MYO1E: variants seen among roughly 807,000 people sequenced by gnomAD.
The protein encoded by MYO1E is unconventional myosin-Ie.
In MYO1E, 68 loss-of-function variants were observed where a neutral mutation model predicts 151.1. That is an observed-to-expected ratio of 0.45 (90% CI 0.37 to 0.55). MYO1E has a LOEUF of 0.55. MYO1E is among the 20% of genes least tolerant of loss of function. The pLI is 0.00. For missense variants in MYO1E, 1,363 were observed against 1,389.3 expected, an observed-to-expected ratio of 0.98 and a Z score of 0.30; for synonymous variants, 601 against 501.7, an observed-to-expected ratio of 1.20 and a Z score of -2.64.
chr15:59,364,058 C>T (rs1355529621), intron 1 of MYO1E, among the ~76,000 whole-genome samples: 1 of 152,096 alleles, frequency 6.6e-6, no homozygotes, highest in Non-Finnish European at 1.5e-5. Context: ...GATAACAGGC[C>T]TGAGCCACCA....
At chr15:59,322,738 A>C (rs2080634997) in intron 1 of MYO1E, among the ~76,000 whole-genome samples, 2 of 152,224 alleles carry the variant, frequency 1.3e-5, no homozygotes, top group South Asian at 2.1e-4. Context: ...GAAAAAGAAA[A>C]AGGTACATGG....
intron 4 of MYO1E, among the ~76,000 whole-genome samples, chr15:59,240,386 G>C (rs763023556): frequency 7.0e-5 from 10 of 143,802 alleles, no homozygotes; most frequent in African/African-American, 1.4e-4. Context: ...GTCTGTGTGT[G>C]GGGGGGGTCT....
chr15:59,341,137 G>GGTAT (rs1293348762), intron 1 of MYO1E, among the ~76,000 whole-genome samples: 1 of 151,704 alleles, frequency 6.6e-6, no homozygotes, highest in Non-Finnish European at 1.5e-5. Flanking sequence ...TTTTGATACA[G>GGTAT]GCATGCAATG....
chr15:59,361,286 A>T (rs545388502), intron 1 of MYO1E, among the ~76,000 whole-genome samples: 1 of 152,236 alleles, frequency 6.6e-6, no homozygotes, highest in Admixed American at 6.5e-5. Context: ...AAGTATAAAC[A>T]TTTATTATTT....
intron 1 of MYO1E, among the ~76,000 whole-genome samples, chr15:59,315,720 T>C (rs2080584480): frequency 6.6e-6 from 1 of 152,190 alleles, no homozygotes; most frequent in Non-Finnish European, 1.5e-5. Context: ...AATGATTAGT[T>C]AAAATGATCA....
intron 18 of MYO1E, among the ~76,000 whole-genome samples, chr15:59,184,111 A>G (rs2079681260): frequency 6.6e-6 from 1 of 152,118 alleles, no homozygotes; most frequent in Non-Finnish European, 1.5e-5. Context: ...GGTTCCAGCA[A>G]TCCTTTCACC....
chr15:59,276,104 C>G (rs1455323433), intron 1 of MYO1E, among the ~76,000 whole-genome samples: 1 of 152,134 alleles, frequency 6.6e-6, no homozygotes, highest in Non-Finnish European at 1.5e-5. Flanking sequence ...GGCAACTAAC[C>G]CTTCGCACCC....
At chr15:59,225,531 A>T (rs552434957) in intron 7 of MYO1E, among the ~76,000 whole-genome samples, 1 of 151,910 alleles carries the variant, frequency 6.6e-6, no homozygotes, top group African/African-American at 2.4e-5. Flanking sequence ...TGGCTCTTCA[A>T]TGCCTCCCGA....
intron 16 of MYO1E, among the ~76,000 whole-genome samples, chr15:59,198,697 G>A (rs1416518248): frequency 6.6e-6 from 1 of 151,982 alleles, no homozygotes; most frequent in Non-Finnish European, 1.5e-5. Flanking sequence ...GGTGCCACCT[G>A]TAGTCCAGCC....
chr15:59,362,885 T>A (rs2080893126), intron 1 of MYO1E, among the ~76,000 whole-genome samples: 1 of 152,194 alleles, frequency 6.6e-6, no homozygotes, highest in South Asian at 2.1e-4. Flanking sequence ...ATTTAAGAAT[T>A]AAACAACTAA....
chr15:59,186,365 A>C (rs148686007), intron 18 of MYO1E, among the ~76,000 whole-genome samples: 2,378 of 152,054 alleles, frequency 0.016, 30 homozygotes, highest in Non-Finnish European at 0.021. Flanking sequence ...TTCCAAAGAC[A>C]GTAATTAACT....
chr15:59,144,236 G>A (rs147434803), intron 26 of MYO1E, among the ~76,000 whole-genome samples: 1,959 of 151,778 alleles, frequency 0.013, 40 homozygotes, highest in Middle Eastern at 0.048. Context: ...GCATGATCTC[G>A]GCTCACTGCA....
intron 26 of MYO1E, among the ~76,000 whole-genome samples, chr15:59,139,003 G>T (rs1233446399): frequency 6.6e-6 from 1 of 152,068 alleles, no homozygotes; most frequent in Admixed American, 6.6e-5. Context: ...ACCACTGCGC[G>T]AGTGAGTGTG....
At chr15:59,260,768 A>AT (rs145953500) in intron 3 of MYO1E, among the ~76,000 whole-genome samples, 3,300 of 152,108 alleles carry the variant, frequency 0.022, 126 homozygotes, top group African/African-American at 0.075. Flanking sequence ...CCATTGCTCT[A>AT]TTTTTTTACC....
intron 5 of MYO1E, among the ~76,000 whole-genome samples, chr15:59,233,648 G>A (rs980087285): frequency 7.9e-6 from 1 of 126,758 alleles, no homozygotes; most frequent in Non-Finnish European, 1.6e-5. Flanking sequence ...TGGCGACAGA[G>A]CGAGACTCCG....
chr15:59,353,722 A>C (rs1309179046), intron 1 of MYO1E, among the ~76,000 whole-genome samples: 1 of 149,564 alleles, frequency 6.7e-6, no homozygotes, highest in Non-Finnish European at 1.5e-5. Flanking sequence ...ATGCCATTGC[A>C]CCCCAGCTTG....
chr15:59,214,535 G>A lies in MYO1E; in HGVS notation c.1188+105C>T, dbSNP rs1199676114. ...CTGAGTTGTTTTTTTTGTTGTTGTG[G>A]TTTGTTTTCTGTTTTTTTGTTTTTG... On this transcript the variant is annotated intron_variant, in intron 11 of 27. Coordinates refer to ENST00000288235, the MANE Select transcript of MYO1E (RefSeq NM_004998.4). The A allele has an allele frequency of 5.1e-6, 6 of 1,181,104 alleles. No individual in the cohort carries two copies. The African/African-American group carries it at 7.6e-5, about 15-fold the overall frequency. The allele number at this position is 1,181,104 out of a possible 1,614,324, so 73.2% of individuals were successfully genotyped here.
intron 4 of MYO1E, among the ~76,000 whole-genome samples, chr15:59,244,542 C>A (rs557584140): frequency 1.3e-5 from 2 of 152,316 alleles, no homozygotes; most frequent in Non-Finnish European, 2.9e-5. Flanking sequence ...TGACTCACCC[C>A]AGAGGTCTTT....
Position 59,214,727 on chromosome 15 carries a change from A to G in MYO1E, c.1108-7T>C, listed in dbSNP as rs1210003123. 1 of 1,608,222 alleles carries G rather than the reference A, an allele frequency of 6.2e-7. No homozygotes were observed. Among genetic ancestry groups the G allele is most frequent in the Non-Finnish European group, 8.5e-7 (1 of 1,174,630 alleles). ...CCATGGCTTTATTGATGGACTAGAG[A>G]AAGTAAACAGCATGGCAGTGAACTC... On this transcript the variant is annotated splice_region_variant and splice_polypyrimidine_tract_variant and intron_variant, in intron 10 of 27. Coordinates refer to ENST00000288235, the MANE Select transcript of MYO1E (RefSeq NM_004998.4).
Sources: gnomAD v4.1 joint callset for allele counts (sites outside exome capture counted in the v4.1 genomes callset) on GRCh38, gnomAD v4.1.1 for gene constraint, MANE v1.5 for transcripts, NCBI Gene and HGNC (gene_info 2026-07-23, HGNC 2026-07-21) for gene names.